The following SGO1 variants were observed in gnomAD, a reference collection of about 807,000 sequenced individuals.
SGO1 encodes the protein shugoshin 1.
In SGO1, 39 loss-of-function variants were observed where a neutral mutation model predicts 50.5. The observed-to-expected ratio is 0.77, with a 90% confidence interval of 0.60 to 1.01. SGO1 has a LOEUF of 1.01. Ranked by LOEUF, SGO1 falls within the 50% of genes least tolerant of loss-of-function variation. The probability of loss-of-function intolerance (pLI) is 0.00; values close to 1 mark genes in which losing one functional copy is unlikely to be tolerated. For synonymous variants in SGO1, 191 were observed against 205.1 expected (o/e 0.93, Z 0.59); for missense variants, 638 against 606.0 (o/e 1.05, Z -0.55).
downstream of SGO1, chr3:20,169,221 A>G (rs1013817783): frequency 4.1e-6 from 4 of 985,096 alleles, no homozygotes; most frequent in African/African-American, 7.0e-5. Context: ...CCTCAATAAA[A>G]TTATAATTTG....
intron 5 of SGO1, among the ~76,000 whole-genome samples, chr3:20,175,473 G>A (rs6771625): frequency 0.32 from 49,252 of 151,968 alleles, 8,413 homozygotes; most frequent in African/African-American, 0.44. Context: ...AAGCATTTTG[G>A]ATAAGGGACA....
intron 4 of SGO1, among the ~76,000 whole-genome samples, 164 bp downstream of exon 4, chr3:20,178,107 A>G (rs922012282): frequency 5.3e-5 from 8 of 152,224 alleles, no homozygotes; most frequent in African/African-American, 1.7e-4. Flanking sequence ...GGCTATATGT[A>G]ATAGAATTTC....
upstream of SGO1, chr3:20,186,507 C>G (rs1174048068): frequency 6.6e-6 from 1 of 152,260 alleles, no homozygotes; most frequent in East Asian, 1.9e-4. Flanking sequence ...TTCAGTCTGA[C>G]AGCTTCAAAT....
intron 3 of SGO1, 36 bp from the exon 4 acceptor site, chr3:20,178,383 G>T (rs753889944): frequency 7.1e-7 from 1 of 1,407,520 alleles, no homozygotes; most frequent in South Asian, 1.2e-5. Flanking sequence ...TGTTATAACT[G>T]AAGTATTCAC....
intron 4 of SGO1, among the ~76,000 whole-genome samples, 189 bp from the exon 5 acceptor site, chr3:20,176,848 A>C (rs1395456972): frequency 6.6e-6 from 1 of 152,214 alleles, no homozygotes; most frequent in East Asian, 1.9e-4. Flanking sequence ...CTGATTTGTT[A>C]TGACTGACAT....
In SGO1 at chr3:20,174,510, C is replaced by T; in HGVS notation, c.1021G>A (p.Glu341Lys). 1.2e-6 allele frequency: 2 copies of T among 1,614,168 alleles called. No individual in the cohort carries two copies. Among genetic ancestry groups the T allele is most frequent in the Non-Finnish European group, 1.7e-6 (2 of 1,180,038 alleles). Reference protein sequence around the residue: ...SNDAYNFNLEEGVHLTPFRQK... With the variant: ...SNDAYNFNLEKGVHLTPFRQK... Reference sequence around the variant, plus strand: ...CGGAAAGGAGTAAGATGAACACCCTCTTCCAAATTAAAATTGTAAGCATCA... The same window carrying T: ...CGGAAAGGAGTAAGATGAACACCCTTTTCCAAATTAAAATTGTAAGCATCA... Residue 341 changes from glutamate to lysine, a missense_variant, in exon 6 of 8, where the codon GAG (glutamate) becomes AAG (lysine). Glu to Lys is a moderately conservative substitution (Grantham distance 56). Coordinates refer to ENST00000412997, the MANE Select transcript of SGO1 (RefSeq NM_001199251.3).
chr3:20,161,534 G>A (rs1434727075), intron 8 of SGO1, among the ~76,000 whole-genome samples: 1 of 152,046 alleles, frequency 6.6e-6, no homozygotes, highest in African/African-American at 2.4e-5. Flanking sequence ...TAAAAAGATG[G>A]AAAATATGAA....
At chr3:20,174,227 G>C in intron 6 of SGO1, 22 bp downstream of exon 6, 1 of 1,552,750 alleles carries the variant, frequency 6.4e-7, no homozygotes, top group East Asian at 2.2e-5. Context: ...TAAAAATACA[G>C]GTAAACAAGT....
At chr3:20,169,479 A>G (rs918628502), downstream of SGO1, 3 of 980,632 alleles carry the variant, frequency 3.1e-6, no homozygotes, top group African/African-American at 3.5e-5. Context: ...AAGGAAAGCA[A>G]TCACTATCTT....
chr3:20,178,326 C>T lies in SGO1; in HGVS notation c.361G>A (p.Gly121Arg). 1 of 1,612,266 alleles carries T rather than the reference C, an allele frequency of 6.2e-7. No individual in the cohort carries two copies. Among genetic ancestry groups the T allele is most frequent in the South Asian group, 1.1e-5 (1 of 90,988 alleles). ...CTGTCATCACTATTGGGGTCCATTC[C>T]AGAGGAACATATTTCCTGGTTCTGT... ...PAQNQEICSS[G>R]MDPNSDDSSR... Residue 121 changes from glycine (G) to arginine (R), a missense_variant, in exon 4 of 8, where the codon GGA becomes AGA. Gly to Arg is a moderately radical substitution (Grantham distance 125, BLOSUM62 -2). Transcript: ENST00000412997.
Position 20,174,568 on chromosome 3 carries a change from G to A in SGO1, c.963C>T (p.Pro321=), listed in dbSNP as rs1352150625. ...ENKSENKKTV[P]QKKMHKSVSS... Reference sequence around the variant, plus strand: ...TGACAGATTTGTGCATTTTTTTTTGGGGAACAGTTTTTTTATTTTCGCTTT... The same window carrying A: ...TGACAGATTTGTGCATTTTTTTTTGAGGAACAGTTTTTTTATTTTCGCTTT... The change falls in exon 6 of 8, where the codon CCC becomes CCT. Residue 321 remains proline (P), a synonymous_variant. Transcript: ENST00000412997. 1.2e-6 allele frequency: 2 copies of A among 1,604,056 alleles called. No individual in the cohort carries two copies. Among genetic ancestry groups the A allele is most frequent in the East Asian group, 2.2e-5 (1 of 44,840 alleles).
chr3:20,167,719 G>T (rs1202598517), downstream of SGO1, among the ~76,000 whole-genome samples: 2 of 152,166 alleles, frequency 1.3e-5, no homozygotes, highest in African/African-American at 4.8e-5. Context: ...TTAGGAGAGT[G>T]ATATACTCCT....
Position 20,174,718 on chromosome 3 carries a change from GTCT to G in SGO1, c.810_812del (p.Glu270del), listed in dbSNP as rs1559360024. 3 of 1,613,656 alleles carry G rather than the reference GTCT, an allele frequency of 1.9e-6. No individual in the cohort carries two copies. The highest frequency in any genetic ancestry group is 1.3e-5 in the African/African-American group (1 of 74,950). On this transcript the variant is annotated inframe_deletion, in exon 6 of 8. Transcript: ENST00000412997. ...TTTGTTCAGATTTAGATTCTAAAAT[GTCT>G]TCTTTTGTTTTAGTAAACGTTCCTG...
chr3:20,164,067 G>C (rs993886444), intron 8 of SGO1, among the ~76,000 whole-genome samples: 1 of 152,154 alleles, frequency 6.6e-6, no homozygotes, highest in African/African-American at 2.4e-5. Context: ...AAAGACTTGT[G>C]AACCCCTTTT....
At position 20,174,253 on chromosome 3, in the gene SGO1, A is replaced by G. The variant is rs776720018; in HGVS notation, c.1278T>C (p.Pro426=). 2 of 1,610,850 alleles carry G rather than the reference A, an allele frequency of 1.2e-6. No homozygotes were observed. Among genetic ancestry groups the G allele is most frequent in the Non-Finnish European group, 1.7e-6 (2 of 1,177,442 alleles). The part of the protein sequence containing the change: ...ETEGSKPTKT[P]TTTPPETQQS... ...GTAAACAAGTAGATCACTTACTGGT[A>G]GGAGTTTTTGTTGGCTTAGAACCCT... Residue 426 remains proline, a synonymous_variant, in exon 6 of 8, where the codon CCT becomes CCC. Coordinates refer to ENST00000412997, the MANE Select transcript of SGO1 (RefSeq NM_001199251.3).
downstream of SGO1, among the ~76,000 whole-genome samples, chr3:20,165,645 C>T (rs1700259254): frequency 6.6e-6 from 1 of 152,000 alleles, no homozygotes; most frequent in Non-Finnish European, 1.5e-5. Flanking sequence ...CAATTTGTTT[C>T]CACAGAGCAA....
At chr3:20,183,850 A>C (rs1323385180) in intron 2 of SGO1, 36 bp downstream of exon 2, 1 of 1,606,676 alleles carries the variant, frequency 6.2e-7, no homozygotes, top group Non-Finnish European at 8.5e-7. Context: ...TCTAAACTTA[A>C]AAGTGATATA....
At chr3:20,167,828 G>C (rs1015737821), downstream of SGO1, among the ~76,000 whole-genome samples, 1 of 152,118 alleles carries the variant, frequency 6.6e-6, no homozygotes, top group Non-Finnish European at 1.5e-5. Flanking sequence ...CCACTTCTAG[G>C]TATTAACTTT....
At chr3:20,164,119 A>G (rs900797599) in intron 8 of SGO1, among the ~76,000 whole-genome samples, 1 of 152,198 alleles carries the variant, frequency 6.6e-6, no homozygotes, top group Non-Finnish European at 1.5e-5. Context: ...AGCTAGAAAA[A>G]ATTTAAGAAA....
Sources: gnomAD v4.1 joint callset for allele counts (sites outside exome capture counted in the v4.1 genomes callset) on GRCh38, gnomAD v4.1.1 for gene constraint, MANE v1.5 for transcripts, NCBI Gene and HGNC (gene_info 2026-07-23, HGNC 2026-07-21) for gene names.